Variants in RBFOX1 observed in about 807,000 individuals in gnomAD.
RBFOX1 encodes the protein RNA binding fox-1 homolog 1.
In RBFOX1, 8 loss-of-function variants were observed where a neutral mutation model predicts 57.7. The observed-to-expected ratio is 0.14, with a 90% CI of 0.08 to 0.25. The LOEUF (loss-of-function observed/expected upper bound fraction) is 0.25, where lower values mean the gene tolerates loss of function less well. Ranked by LOEUF, RBFOX1 falls within the 10% of genes least tolerant of loss-of-function variation. The pLI is 1.00. For missense variants in RBFOX1, 611 were observed against 548.5 expected (o/e 1.11, Z -1.14); for synonymous variants, 326 against 222.4 (o/e 1.47, Z -4.15).
chr16:6,838,599 G>A lies in RBFOX1; in HGVS notation c.-16+183949G>A, dbSNP rs190348407. On this transcript the variant is annotated intron_variant, in intron 3 of 15. Coordinates refer to ENST00000550418, the MANE Select transcript of RBFOX1 (RefSeq NM_018723.4). The stretch of plus-strand genomic sequence containing the variant: ...CCTCTTCTGCTGCCCCTCTGCTGCT[G>A]CTGTGCACTGCCACTTAAGTAAAAG... 2.5e-3 allele frequency among the ~76,000 whole-genome samples: 388 copies of A among 152,290 alleles called. 2 individuals are homozygous for A. The highest frequency in any genetic ancestry group is 8.8e-3 in the African/African-American group (367 of 41,548).
chr16:7,185,194 CCT>C (rs5815381), intron 4 of RBFOX1, among the ~76,000 whole-genome samples: 31,144 of 150,058 alleles, frequency 0.21, 3,557 homozygotes, highest in East Asian at 0.4. Context: ...TCACATTATA[CCT>C]CTCTCTCTCT....
chr16:6,759,648 A>C (rs17141311), intron 3 of RBFOX1, among the ~76,000 whole-genome samples: 10,221 of 152,072 alleles, frequency 0.067, 519 homozygotes, highest in East Asian at 0.29. Context: ...TAGGTCTATT[A>C]CTTGTTTTCA....
At position 6,506,618 on chromosome 16, in the gene RBFOX1, T is replaced by G. The variant is rs2096099109; in HGVS notation, c.-63-147985T>G. 3.6e-5 allele frequency among the ~76,000 whole-genome samples: 5 copies of G among 138,300 alleles called. 1 individual carries two copies. The highest frequency in any genetic ancestry group is 1.5e-4 in the Admixed American group (2 of 13,172). 90.7% of individuals were successfully genotyped at this position (138,300 alleles called of 152,430 possible). Reference sequence around the variant, plus strand: ...GTATAAACGGTAATAACAATCACAGTAGCTAATTTTTTTTTTTTTTTTTTT... The same window carrying G: ...GTATAAACGGTAATAACAATCACAGGAGCTAATTTTTTTTTTTTTTTTTTT... On this transcript the variant is annotated intron_variant, in intron 2 of 15. Transcript: ENST00000550418.
intron 4 of RBFOX1, among the ~76,000 whole-genome samples, chr16:6,001,578 C>G (rs1335358445): frequency 3.3e-5 from 5 of 152,178 alleles, no homozygotes; most frequent in South Asian, 4.2e-4. Context: ...TAAATATATA[C>G]AAGATGGATT....
chr16:7,338,135 G>A (rs1603624388), intron 4 of RBFOX1, among the ~76,000 whole-genome samples: 1 of 152,188 alleles, frequency 6.6e-6, no homozygotes, highest in African/African-American at 2.4e-5. Flanking sequence ...GTTGTTTGCT[G>A]CACCTATTAA....
chr16:6,557,042 T>C (rs1237308178), intron 2 of RBFOX1, among the ~76,000 whole-genome samples: 9 of 127,998 alleles, frequency 7.0e-5, no homozygotes, highest in African/African-American at 2.3e-4. Context: ...TACACATATA[T>C]ATACATATAT....
chr16:5,454,136 C>T (rs72772788), intron 1 of RBFOX1, among the ~76,000 whole-genome samples: 15,838 of 152,232 alleles, frequency 0.1, 1,061 homozygotes, highest in Non-Finnish European at 0.14. Flanking sequence ...TTTTATTCCT[C>T]GTTCTTGTTG....
intron 4 of RBFOX1, among the ~76,000 whole-genome samples, chr16:7,462,993 C>T (rs1296838838): frequency 1.3e-5 from 2 of 152,182 alleles, no homozygotes; most frequent in Non-Finnish European, 2.9e-5. Flanking sequence ...AAGTCCTTGT[C>T]TTAGCCTGCT....
At chr16:6,146,644 G>A (rs2096760463) in intron 1 of RBFOX1, among the ~76,000 whole-genome samples, 1 of 152,148 alleles carries the variant, frequency 6.6e-6, no homozygotes, top group Non-Finnish European at 1.5e-5. Flanking sequence ...ACGATGCTGG[G>A]CATGGAATAG....
intron 2 of RBFOX1, among the ~76,000 whole-genome samples, chr16:5,557,118 G>T (rs1162439545): frequency 6.6e-6 from 1 of 151,882 alleles, no homozygotes; most frequent in East Asian, 1.9e-4. Flanking sequence ...AAATTAGCTG[G>T]GCGTGGTGGC....
At chr16:7,116,261 A>C in intron 4 of RBFOX1, among the ~76,000 whole-genome samples, 1 of 152,124 alleles carries the variant, frequency 6.6e-6, no homozygotes, top group East Asian at 1.9e-4. Context: ...TAAACCAATC[A>C]AATCCTGGCT....
chr16:6,229,261 C>T (rs532355069), intron 1 of RBFOX1, among the ~76,000 whole-genome samples: 3 of 152,092 alleles, frequency 2.0e-5, no homozygotes, highest in African/African-American at 7.2e-5. Flanking sequence ...AAAAGCAAAC[C>T]TCTTTCTCCA....
At chr16:6,838,705 G>T (rs1000142903) in intron 3 of RBFOX1, among the ~76,000 whole-genome samples, 2 of 152,068 alleles carry the variant, frequency 1.3e-5, no homozygotes, top group African/African-American at 4.8e-5. Flanking sequence ...TCCCCAGTCT[G>T]GGGGCTTGCC....
chr16:6,827,079 T>C (rs1308274525), intron 3 of RBFOX1, among the ~76,000 whole-genome samples: 2 of 152,222 alleles, frequency 1.3e-5, no homozygotes, highest in Admixed American at 1.3e-4. Flanking sequence ...AAGATTTCTT[T>C]GCACATACTT....
chr16:7,519,728 TC>T (rs2077116836), intron 5 of RBFOX1: 3 of 984,720 alleles, frequency 3.0e-6, no homozygotes, highest in South Asian at 9.4e-5. Flanking sequence ...CAATTCTGCC[TC>T]TTCGTCCTGT....
intron 3 of RBFOX1, among the ~76,000 whole-genome samples, chr16:5,668,677 C>G (rs1033412291): frequency 3.3e-5 from 5 of 152,174 alleles, no homozygotes; most frequent in African/African-American, 9.7e-5. Context: ...CTCCTTTCCC[C>G]TATCATCAAG....
At chr16:6,429,590 G>C (rs2153001904) in intron 2 of RBFOX1, among the ~76,000 whole-genome samples, 1 of 152,242 alleles carries the variant, frequency 6.6e-6, no homozygotes, top group Middle Eastern at 3.4e-3. Flanking sequence ...ATCTCATTTT[G>C]AAATGTAATA....
intron 3 of RBFOX1, among the ~76,000 whole-genome samples, chr16:5,634,361 A>G (rs1408432294): frequency 6.6e-6 from 1 of 152,236 alleles, no homozygotes; most frequent in East Asian, 1.9e-4. Context: ...CAAGTGATAA[A>G]AAGCAGTGGT....
intron 1 of RBFOX1, among the ~76,000 whole-genome samples, chr16:5,255,288 C>T (rs1256581497): frequency 6.6e-6 from 1 of 151,296 alleles, no homozygotes; most frequent in African/African-American, 2.4e-5. Flanking sequence ...TCAAGTCCAC[C>T]TGCTCATCTG....
Sources: allele counts gnomAD v4.1 joint callset (sites outside exome capture counted in the v4.1 genomes callset), GRCh38; gene constraint gnomAD v4.1.1; transcripts MANE v1.5; gene names NCBI Gene and HGNC (gene_info 2026-07-23, HGNC 2026-07-21).